LRIG1: variants seen among roughly 807,000 people sequenced by gnomAD.
LRIG1 encodes the protein leucine-rich repeats and immunoglobulin-like domains protein 1.
LRIG1 carries 48 observed loss-of-function variants against 99.2 expected under a neutral mutation model. That is an observed-to-expected ratio of 0.48 (90% CI 0.38 to 0.62). The LOEUF is 0.62. Ranked by LOEUF, LRIG1 falls within the 20% of genes least tolerant of loss-of-function variation. The probability of loss-of-function intolerance (pLI) is 0.00; values close to 1 mark genes in which losing one functional copy is unlikely to be tolerated. For synonymous variants in LRIG1, 772 were observed against 596.1 expected (o/e 1.29, Z -4.30); for missense variants, 1,646 against 1,434.4 (o/e 1.15, Z -2.38).
intron 1 of LRIG1, among the ~76,000 whole-genome samples, chr3:66,485,159 A>G (rs1196315989): frequency 1.3e-5 from 2 of 150,702 alleles, no homozygotes; most frequent in African/African-American, 4.9e-5. Context: ...CCCTCTCAAA[A>G]AAAAAAAAAA....
intron 14 of LRIG1, 61 bp from the exon 15 acceptor site, chr3:66,383,462 C>T (rs547575445): frequency 3.5e-5 from 49 of 1,416,180 alleles, no homozygotes; most frequent in East Asian, 1.4e-4. Context: ...TGGCTCTGCC[C>T]GGTCTTCTGG....
chr3:66,427,168 C>T (rs1703009843), intron 3 of LRIG1, among the ~76,000 whole-genome samples: 1 of 152,252 alleles, frequency 6.6e-6, no homozygotes, highest in Non-Finnish European at 1.5e-5. Flanking sequence ...GCACTCTGCC[C>T]ATCATGGTGC....
intron 3 of LRIG1, among the ~76,000 whole-genome samples, chr3:66,439,297 T>C (rs1335443126): frequency 3.9e-5 from 6 of 152,252 alleles, no homozygotes; most frequent in African/African-American, 1.4e-4. Context: ...AAAACTTCAC[T>C]ATGCATGCTG....
chr3:66,394,780 T>C (rs182317647), intron 11 of LRIG1, among the ~76,000 whole-genome samples: 2 of 152,262 alleles, frequency 1.3e-5, no homozygotes, highest in East Asian at 3.9e-4. Flanking sequence ...GTTTTCTTAC[T>C]TCCAAATGTA....
Position 66,405,145 on chromosome 3 carries a change from C to T in LRIG1, c.1160+53G>A, listed in dbSNP as rs1204634440. ...GGGGGCGCCACAGAAACATCTCCCA[C>T]CCAAGTGTGTCCCGCGCATTTGCCG... On this transcript the variant is annotated intron_variant, in intron 9 of 18. Coordinates refer to ENST00000273261, the MANE Select transcript of LRIG1 (RefSeq NM_015541.3). 44 of 1,523,918 alleles carry T rather than the reference C, an allele frequency of 2.9e-5. No homozygotes were observed. In the South Asian group the frequency reaches 5.0e-4, roughly 17 times the overall value. The allele number at this position is 1,523,918 out of a possible 1,614,324, so 94.4% of individuals were successfully genotyped here.
chr3:66,380,423 G>A lies in LRIG1; in HGVS notation c.3122C>T (p.Ser1041Leu). Reference sequence around the variant, plus strand: ...GCGCTCTGGACTGCCTGAAGTTAATGAAGATGCAGGCTGTAGCTCTGTGGA... The same window carrying A: ...GCGCTCTGGACTGCCTGAAGTTAATAAAGATGCAGGCTGTAGCTCTGTGGA... The part of the protein sequence containing the change: ...PDSTELQPAS[S>L]LTSGSPERAE... Residue 1041 changes from serine to leucine, a missense_variant, in exon 19 of 19, where the codon TCA becomes TTA. Transcript: ENST00000273261. The A allele has an allele frequency of 1.3e-5, 21 of 1,614,228 alleles. No homozygotes were observed. The highest frequency in any genetic ancestry group is 1.7e-5 in the Non-Finnish European group (20 of 1,180,044).
At chr3:66,498,497 TG>T (rs1357545622) in intron 1 of LRIG1, among the ~76,000 whole-genome samples, 8 of 151,536 alleles carry the variant, frequency 5.3e-5, no homozygotes, top group Middle Eastern at 3.2e-3. Context: ...CACATGGCAT[TG>T]GGAGTCACTC....
At chr3:66,492,128 A>G (rs1012101190) in intron 1 of LRIG1, among the ~76,000 whole-genome samples, 4 of 152,216 alleles carry the variant, frequency 2.6e-5, no homozygotes, top group Admixed American at 6.5e-5. Flanking sequence ...AATGCTTGAG[A>G]GACAAATGCT....
chr3:66,489,571 G>C (rs927930005), intron 1 of LRIG1, among the ~76,000 whole-genome samples: 2 of 150,808 alleles, frequency 1.3e-5, no homozygotes, highest in African/African-American at 5.0e-5. Flanking sequence ...CACACAGAGA[G>C]AGAGAGAATG....
chr3:66,415,159 T>G, intron 4 of LRIG1, 96 bp from the exon 5 acceptor site: 1 of 1,310,528 alleles, frequency 7.6e-7, no homozygotes. Flanking sequence ...GTTGGGAAGA[T>G]GAGTTAAGAC....
At chr3:66,382,194 G>T in intron 16 of LRIG1, 79 bp downstream of exon 16, 1 of 1,568,558 alleles carries the variant, frequency 6.4e-7, no homozygotes, top group Non-Finnish European at 8.8e-7. Flanking sequence ...TACCTGCCCT[G>T]TAAAGACCTG....
At chr3:66,468,348 G>A (rs56919519) in intron 1 of LRIG1, among the ~76,000 whole-genome samples, 5,937 of 152,208 alleles carry the variant, frequency 0.039, 397 homozygotes, top group African/African-American at 0.13. Context: ...GAAGAGGAGC[G>A]CAACCCATGG....
intron 3 of LRIG1, among the ~76,000 whole-genome samples, chr3:66,438,679 G>A (rs753658683): frequency 1.3e-5 from 2 of 152,260 alleles, no homozygotes; most frequent in African/African-American, 2.4e-5. Context: ...GTTACGTCCC[G>A]ACAAGAGGAC....
chr3:66,426,396 G>A (rs764676402), intron 3 of LRIG1, among the ~76,000 whole-genome samples: 3 of 152,188 alleles, frequency 2.0e-5, no homozygotes, highest in Non-Finnish European at 4.4e-5. Context: ...TCAACCCTAT[G>A]GCAACCAGTT....
intron 5 of LRIG1, 45 bp from the exon 6 acceptor site, chr3:66,413,059 T>C: frequency 6.2e-7 from 1 of 1,608,506 alleles, no homozygotes; most frequent in Non-Finnish European, 8.5e-7. Context: ...TATGTGCATA[T>C]CCCACCCACA....
At chr3:66,475,751 G>A (rs534570170) in intron 1 of LRIG1, among the ~76,000 whole-genome samples, 1 of 152,114 alleles carries the variant, frequency 6.6e-6, no homozygotes, top group Non-Finnish European at 1.5e-5. Context: ...GCACAAACTC[G>A]TCAGGATGGT....
chr3:66,462,494 G>A lies in LRIG1; in HGVS notation c.234C>T (p.Asn78=). ...CAGCAGGGTCAATCTCAGAGAGTTT[G>A]TTGTAACTCAGGTTTCTGGTAAAGA... ...SWTRSLNLSY[N]KLSEIDPAGF... is the part of the protein sequence containing the mutation. The change falls in exon 2 of 19, where the codon AAC becomes AAT. Residue 78 remains asparagine (N), a synonymous_variant. Coordinates refer to ENST00000273261, the MANE Select transcript of LRIG1 (RefSeq NM_015541.3). The A allele has an allele frequency of 6.2e-7, 1 of 1,611,862 alleles. No individual in the cohort carries two copies. The highest frequency in any genetic ancestry group is 8.5e-7 in the Non-Finnish European group (1 of 1,178,830).
intron 2 of LRIG1, among the ~76,000 whole-genome samples, chr3:66,458,118 T>A (rs1317499530): frequency 6.6e-6 from 1 of 152,188 alleles, no homozygotes; most frequent in Admixed American, 6.5e-5. Context: ...GAAACTCCTT[T>A]TATTTTTATT....
chr3:66,403,226 T>C (rs2107995349), intron 9 of LRIG1, among the ~76,000 whole-genome samples: 1 of 152,336 alleles, frequency 6.6e-6, no homozygotes, highest in Middle Eastern at 3.4e-3. Flanking sequence ...ATAGGCATCA[T>C]ACCATTTTCT....
Sources: allele counts gnomAD v4.1 joint callset (sites outside exome capture counted in the v4.1 genomes callset), GRCh38; gene constraint gnomAD v4.1.1; transcripts MANE v1.5; gene names NCBI Gene and HGNC (gene_info 2026-07-23, HGNC 2026-07-21).